Variants in AHI1 observed in about 807,000 individuals in gnomAD.
AHI1 encodes the protein jouberin.
In AHI1, 123 loss-of-function variants were observed where a neutral mutation model predicts 149.3. That is an observed-to-expected ratio of 0.82 (90% CI 0.71 to 0.96). AHI1 has a LOEUF of 0.96. AHI1 is among the 40% of genes least tolerant of loss of function. The pLI is 0.00. For synonymous variants in AHI1, 475 were observed against 459.8 expected (o/e 1.03, Z -0.42); for missense variants, 1,439 against 1,422.7 (o/e 1.01, Z -0.18).
intron 27 of AHI1, among the ~76,000 whole-genome samples, chr6:135,298,768 C>G (rs899828725): frequency 6.6e-6 from 1 of 152,118 alleles, no homozygotes; most frequent in Non-Finnish European, 1.5e-5. Flanking sequence ...CCTTTAGAAG[C>G]TGAGATGTTT....
intron 23 of AHI1, among the ~76,000 whole-genome samples, chr6:135,374,975 TGG>T (rs1775681745): frequency 6.6e-6 from 1 of 152,236 alleles, no homozygotes; most frequent in Admixed American, 6.5e-5. Flanking sequence ...TTAGATGATG[TGG>T]CCCAACTGTA....
rs375551107 is a variant in AHI1, at chr6:135,385,836, CATTG to C, written c.3109+8936_3109+8939del. Among the ~76,000 whole-genome samples, 237 of 152,284 alleles carry C rather than the reference CATTG, an allele frequency of 1.6e-3. 2 individuals carry two copies. Among genetic ancestry groups the C allele is most frequent in the African/African-American group, 5.5e-3 (227 of 41,560 alleles). On this transcript the variant is annotated intron_variant, in intron 23 of 28. Transcript: ENST00000265602. ...ACAAAAACAAAACAAAACAAGGAAA[CATTG>C]ATTGATTTAGGAAGGTGTAATGGCA...
At chr6:135,389,631 A>T (rs1356032262) in intron 23 of AHI1, among the ~76,000 whole-genome samples, 1 of 152,250 alleles carries the variant, frequency 6.6e-6, no homozygotes, top group Admixed American at 6.5e-5. Flanking sequence ...AATAAAGATA[A>T]TATGAAGAGT....
chr6:135,323,824 ATTT>A (rs1787244279), intron 24 of AHI1, among the ~76,000 whole-genome samples: 1 of 152,276 alleles, frequency 6.6e-6, no homozygotes, highest in East Asian at 1.9e-4. Context: ...ACACATACAT[ATTT>A]TTTGATGTTT....
intron 23 of AHI1, among the ~76,000 whole-genome samples, chr6:135,381,254 A>C (rs1776728264): frequency 6.6e-6 from 1 of 152,216 alleles, no homozygotes; most frequent in Admixed American, 6.5e-5. Context: ...GGCCAAAACA[A>C]AACACCTGTT....
At chr6:135,439,989 C>CT (rs1319506778) in intron 14 of AHI1, among the ~76,000 whole-genome samples, 1 of 152,148 alleles carries the variant, frequency 6.6e-6, no homozygotes, top group Non-Finnish European at 1.5e-5. Context: ...TTAAGCAAAG[C>CT]TTACAAAAAT....
Position 135,457,719 on chromosome 6 carries a change from C to G in AHI1, c.932-6G>C. 2 of 1,610,022 alleles carry G rather than the reference C, an allele frequency of 1.2e-6. No individual in the cohort carries two copies. The highest frequency in any genetic ancestry group is 1.7e-6 in the Non-Finnish European group (2 of 1,177,490). On this transcript the variant is annotated splice_polypyrimidine_tract_variant and splice_region_variant and intron_variant, in intron 8 of 28. Transcript: ENST00000265602. ...ATCTTCATTATTATCTGCAACTACA[C>G]GCATGGAAAAAAAAATCAATGTTAT...
chr6:135,348,042 G>T (rs1442071292), intron 24 of AHI1, among the ~76,000 whole-genome samples: 7 of 152,124 alleles, frequency 4.6e-5, no homozygotes, highest in East Asian at 1.9e-4. Context: ...TATACCAAGG[G>T]TGTCTGTGTT....
intron 24 of AHI1, among the ~76,000 whole-genome samples, chr6:135,353,509 A>G (rs1366021638): frequency 2.0e-5 from 3 of 152,158 alleles, no homozygotes; most frequent in Non-Finnish European, 4.4e-5. Context: ...CCCAAATATT[A>G]TGTTAAAATA....
intron 5 of AHI1, among the ~76,000 whole-genome samples, chr6:135,487,085 T>A (rs1356572044): frequency 1.3e-5 from 2 of 152,164 alleles, no homozygotes; most frequent in Non-Finnish European, 2.9e-5. Flanking sequence ...TAAAAGTCTA[T>A]TTTTGAACCC....
chr6:135,343,285 A>G (rs892528472), intron 24 of AHI1, among the ~76,000 whole-genome samples: 1 of 151,910 alleles, frequency 6.6e-6, no homozygotes, highest in African/African-American at 2.4e-5. Flanking sequence ...AAACAGACCT[A>G]AATAAATGGA....
intron 21 of AHI1, among the ~76,000 whole-genome samples, chr6:135,407,613 A>C (rs1780974390): frequency 1.3e-5 from 2 of 152,256 alleles, no homozygotes; most frequent in African/African-American, 4.8e-5. Flanking sequence ...AATAATTTTA[A>C]AAAGAAATGA....
chr6:135,445,459 T>C (rs1787024345), intron 13 of AHI1, among the ~76,000 whole-genome samples: 1 of 152,198 alleles, frequency 6.6e-6, no homozygotes, highest in Admixed American at 6.5e-5. Context: ...TGTACATATC[T>C]CTATCAAAGT....
chr6:135,366,746 TCATTC>T (rs1268811232), intron 23 of AHI1, among the ~76,000 whole-genome samples: 1 of 152,212 alleles, frequency 6.6e-6, no homozygotes, highest in Admixed American at 6.5e-5. Context: ...GCTTTTCATT[TCATTC>T]ATCTTTTGTA....
intron 23 of AHI1, among the ~76,000 whole-genome samples, chr6:135,379,002 C>T (rs528350004): frequency 2.6e-5 from 4 of 152,260 alleles, no homozygotes; most frequent in South Asian, 4.2e-4. Context: ...CACACATATA[C>T]CAATGACTCC....
intron 22 of AHI1, among the ~76,000 whole-genome samples, chr6:135,397,466 C>T (rs1421314320): frequency 1.3e-5 from 2 of 151,916 alleles, no homozygotes; most frequent in African/African-American, 4.8e-5. Flanking sequence ...AGTTTAATAC[C>T]TCCATATTGG....
In AHI1 at chr6:135,432,998, C is replaced by T. The variant is rs552622738; in HGVS notation, c.2266+29G>A. 297 of 1,541,178 alleles carry T rather than the reference C, an allele frequency of 1.9e-4. 3 individuals are homozygous for T. The South Asian group carries it at 3.2e-3, about 17-fold the overall frequency. On this transcript the variant is annotated intron_variant, in intron 16 of 28. Coordinates refer to ENST00000265602, the MANE Select transcript of AHI1 (RefSeq NM_001134831.2). The stretch of plus-strand genomic sequence containing the variant: ...TGGTAAAAAAAAATTCTTCACATAG[C>T]TGGTCTTCATTCATAGTCTCTGACA...
intron 22 of AHI1, among the ~76,000 whole-genome samples, chr6:135,403,843 T>G (rs1261862441): frequency 6.6e-6 from 1 of 151,982 alleles, no homozygotes; most frequent in Non-Finnish European, 1.5e-5. Flanking sequence ...CCTGTTGACT[T>G]GTGATAATTA....
intron 1 of AHI1, 89 bp from the exon 2 acceptor site, chr6:135,497,338 C>G (rs899097198): frequency 6.6e-6 from 1 of 152,324 alleles, no homozygotes; most frequent in Non-Finnish European, 1.5e-5. Flanking sequence ...ATTGAATTCT[C>G]TATCAGAGCA....
Sources: gnomAD v4.1 joint callset for allele counts (sites outside exome capture counted in the v4.1 genomes callset) on GRCh38, gnomAD v4.1.1 for gene constraint, MANE v1.5 for transcripts, NCBI Gene and HGNC (gene_info 2026-07-23, HGNC 2026-07-21) for gene names.